Variants in COL11A1 observed in about 807,000 individuals in gnomAD.
COL11A1 encodes the protein collagen type XI alpha 1 chain.
Under a neutral mutation model 265.2 loss-of-function variants are expected in COL11A1, and 74 were observed. The ratio of observed to expected loss-of-function variants is 0.28; its 90% CI spans 0.23 to 0.34. COL11A1 has a LOEUF of 0.34. Among genes scored for constraint, COL11A1 ranks in the 10% least tolerant of loss-of-function variants. The probability of loss-of-function intolerance (pLI) is 1.00; values close to 1 mark genes in which losing one functional copy is unlikely to be tolerated. For missense variants in COL11A1, 2,165 were observed against 2,263.6 expected, an observed-to-expected ratio of 0.96 and a Z score of 0.88; for synonymous variants, 816 against 727.6, an observed-to-expected ratio of 1.12 and a Z score of -1.96.
chr1:103,022,979 T>C lies in COL11A1; in HGVS notation c.1008A>G (p.Glu336=). The C allele has an allele frequency of 6.2e-7, 1 of 1,612,862 alleles. No homozygotes were observed. Among genetic ancestry groups the C allele is most frequent in the Non-Finnish European group, 8.5e-7 (1 of 1,179,446 alleles). The change falls in exon 8 of 67, where the codon GAA becomes GAG. Residue 336 remains glutamate (E), a synonymous_variant. Coordinates refer to ENST00000370096, the MANE Select transcript of COL11A1 (RefSeq NM_001854.4). Reference sequence around the variant, plus strand: ...CCGTTAGATATTCTTCAGTAAATATTTCTTCAACTGGATTTGGCTATTAAT... The same window carrying C: ...CCGTTAGATATTCTTCAGTAAATATCTCTTCAACTGGATTTGGCTATTAAT... The part of the protein sequence containing the change: ...SGTNEPNPVE[E]IFTEEYLTGE...
In COL11A1 at chr1:102,940,486, C is replaced by T. The variant is rs376026038; in HGVS notation, c.3277-52G>A. On this transcript the variant is annotated intron_variant, in intron 42 of 66. Coordinates refer to ENST00000370096, the MANE Select transcript of COL11A1 (RefSeq NM_001854.4). ...ATTTTACAGTTTTGAAGTGCAGCTA[C>T]AAGAGTAATAATCTAGCTTCTATAT... The T allele has an allele frequency of 1.1e-3, 1,442 of 1,288,970 alleles. 5 individuals carry two copies. The highest frequency in any genetic ancestry group is 3.3e-3 in the South Asian group (268 of 82,090). 79.8% of individuals were successfully genotyped at this position (1,288,970 alleles called of 1,614,324 possible). A position where few individuals can be genotyped will look rare whatever the true frequency, so the allele number is the denominator to read the frequency against.
At chr1:102,976,770 A>T (rs1384448670) in intron 35 of COL11A1, among the ~76,000 whole-genome samples, 1 of 152,182 alleles carries the variant, frequency 6.6e-6, no homozygotes, top group East Asian at 1.9e-4. Flanking sequence ...AAATATCATG[A>T]GACATAGTTG....
At chr1:103,070,548 T>G (rs1671503384) in intron 4 of COL11A1, among the ~76,000 whole-genome samples, 1 of 151,818 alleles carries the variant, frequency 6.6e-6, no homozygotes, top group African/African-American at 2.4e-5. Flanking sequence ...GGGGTTAGGA[T>G]GGAAGAAGGA....
intron 28 of COL11A1, among the ~76,000 whole-genome samples, chr1:102,992,362 C>T (rs894711770): frequency 5.9e-5 from 9 of 152,038 alleles, no homozygotes; most frequent in Non-Finnish European, 1.2e-4. Flanking sequence ...AGCTGTGTTG[C>T]TCCAGACTTA....
intron 41 of COL11A1, among the ~76,000 whole-genome samples, chr1:102,954,793 G>A (rs546047100): frequency 2.8e-4 from 43 of 151,658 alleles, no homozygotes; most frequent in African/African-American, 9.0e-4. Flanking sequence ...GCAGTGAGGC[G>A]AGATTGCGTC....
chr1:103,017,959 G>T, intron 10 of COL11A1, 77 bp from the exon 11 acceptor site: 1 of 1,114,492 alleles, frequency 9.0e-7, no homozygotes, highest in African/African-American at 1.5e-5. Flanking sequence ...TAGTCCTATC[G>T]AAGAGTTCGT....
chr1:103,064,076 A>G (rs1382400736), intron 4 of COL11A1, among the ~76,000 whole-genome samples: 4 of 152,212 alleles, frequency 2.6e-5, no homozygotes, highest in African/African-American at 9.6e-5. Context: ...AAACTCCTGG[A>G]AAAGCTGTGA....
intron 7 of COL11A1, 48 bp from the exon 8 acceptor site, chr1:103,023,044 A>T: frequency 6.3e-7 from 1 of 1,585,196 alleles, no homozygotes; most frequent in Non-Finnish European, 8.6e-7. Flanking sequence ...GTTTATTGTT[A>T]GTAAAGCAAG....
chr1:102,898,600 A>T, intron 56 of COL11A1, 66 bp downstream of exon 56: 1 of 1,316,440 alleles, frequency 7.6e-7, no homozygotes, highest in Non-Finnish European at 1.1e-6. Context: ...AGACACCTTC[A>T]TTCAAAATTT....
chr1:102,991,216 G>T (rs867862781), intron 28 of COL11A1, among the ~76,000 whole-genome samples: 1 of 151,922 alleles, frequency 6.6e-6, no homozygotes, highest in Non-Finnish European at 1.5e-5. Flanking sequence ...TGATGGAGGG[G>T]TTTTTATTTC....
At chr1:103,107,649 C>T (rs531681774) in intron 1 of COL11A1, among the ~76,000 whole-genome samples, 2 of 152,168 alleles carry the variant, frequency 1.3e-5, no homozygotes, top group South Asian at 4.2e-4. Context: ...TTCTCCTCAG[C>T]TCACCCTTAA....
chr1:103,022,079 T>A (rs1571065592), intron 8 of COL11A1, among the ~76,000 whole-genome samples: 1 of 150,950 alleles, frequency 6.6e-6, no homozygotes, highest in African/African-American at 2.4e-5. Flanking sequence ...TGGTTTAGAA[T>A]GCCTGAGCTC....
chr1:103,001,757 T>C (rs1665127230), intron 24 of COL11A1, 168 bp downstream of exon 24: 2 of 650,716 alleles, frequency 3.1e-6, no homozygotes, highest in East Asian at 5.4e-5. Flanking sequence ...TAAGAACACA[T>C]GAATGAAATC....
At chr1:102,989,027 C>T (rs1663855111) in intron 29 of COL11A1, among the ~76,000 whole-genome samples, 1 of 152,022 alleles carries the variant, frequency 6.6e-6, no homozygotes, top group African/African-American at 2.4e-5. Flanking sequence ...ACTAATATTT[C>T]TGTTTGTTTT....
At chr1:103,043,143 A>G (rs1668958434) in intron 4 of COL11A1, among the ~76,000 whole-genome samples, 1 of 146,778 alleles carries the variant, frequency 6.8e-6, no homozygotes, top group Admixed American at 7.0e-5. Context: ...AAATATATAT[A>G]ATGAATACCT....
intron 18 of COL11A1, 26 bp downstream of exon 18, chr1:103,005,812 G>A (rs776327186): frequency 6.2e-7 from 1 of 1,611,752 alleles, no homozygotes; most frequent in Admixed American, 1.7e-5. Flanking sequence ...ACATTCCCTG[G>A]AAAAAAAGGA....
At chr1:103,028,448 T>C (rs538457506) in intron 5 of COL11A1, among the ~76,000 whole-genome samples, 1 of 152,304 alleles carries the variant, frequency 6.6e-6, no homozygotes, top group African/African-American at 2.4e-5. Context: ...TCGCAATATA[T>C]ATACATTGCT....
chr1:103,031,238 T>A lies in COL11A1; in HGVS notation c.658A>T (p.Ile220Phe). The change falls in exon 5 of 67, where the codon ATT becomes TTT. Residue 220 changes from isoleucine (I) to phenylalanine (F), a missense_variant. Coordinates refer to ENST00000370096, the MANE Select transcript of COL11A1 (RefSeq NM_001854.4). The stretch of plus-strand genomic sequence containing the variant: ...TCACCTGTGATCAAAAACTGCTGAA[T>A]GTCCCCCTGGGAAAAAAAAAAAAAC... ...ILDEEVFEGD[I>F]QQFLITGDPK... The A allele has an allele frequency of 6.5e-7, 1 of 1,539,468 alleles. No homozygotes were observed. Among genetic ancestry groups the A allele is most frequent in the Non-Finnish European group, 8.7e-7 (1 of 1,150,590 alleles).
In COL11A1 at chr1:102,878,022, G is replaced by A; in HGVS notation, c.5418C>T (p.Gly1806=). The change falls in exon 67 of 67, where the codon GGC becomes GGT. Residue 1806 remains glycine (G), a synonymous_variant. Coordinates refer to ENST00000370096, the MANE Select transcript of COL11A1 (RefSeq NM_001854.4). ...GFEVGPVCFL[G] is the part of the protein sequence containing the mutation. ...TGATATGTTCTTTGTCTTAATCTTA[G>A]CCAAGAAAACAAACAGGACCAACTT... The A allele has an allele frequency of 6.2e-7, 1 of 1,613,178 alleles. No individual in the cohort carries two copies. Among genetic ancestry groups the A allele is most frequent in the Non-Finnish European group, 8.5e-7 (1 of 1,179,464 alleles).
Sources: gnomAD v4.1 joint callset for allele counts (sites outside exome capture counted in the v4.1 genomes callset) on GRCh38, gnomAD v4.1.1 for gene constraint, MANE v1.5 for transcripts, NCBI Gene and HGNC (gene_info 2026-07-23, HGNC 2026-07-21) for gene names.